FLNB: variants seen among roughly 807,000 people sequenced by gnomAD.
FLNB encodes the protein filamin B.
FLNB carries 111 observed loss-of-function variants against 250.6 expected under a neutral mutation model. The ratio of observed to expected loss-of-function variants is 0.44; its 90% confidence interval spans 0.38 to 0.52. FLNB has a LOEUF of 0.52. Among genes scored for constraint, FLNB ranks in the 20% least tolerant of loss-of-function variants. The pLI, the probability that FLNB is intolerant of heterozygous loss-of-function variation, is 0.00. For synonymous variants in FLNB, 1,302 were observed against 1,372.1 expected (o/e 0.95, Z 1.13); for missense variants, 2,869 against 3,447.8 (o/e 0.83, Z 4.20).
chr3:58,138,481 T>C lies in FLNB; in HGVS notation c.5061T>C (p.Tyr1687=). The change falls in exon 29 of 46, where the codon TAT becomes TAC. Residue 1687 remains tyrosine, a synonymous_variant. Coordinates refer to ENST00000295956, the MANE Select transcript of FLNB (RefSeq NM_001457.4). The stretch of plus-strand genomic sequence containing the variant: ...CCAAGCCGGGCACATATGTGATCTA[T>C]GTGCGCTTCGGTGGTGTTGATATTC... ...TAAKPGTYVI[Y]VRFGGVDIPN... 1.9e-6 allele frequency: 3 copies of C among 1,614,252 alleles called. No individual in the cohort carries two copies. The highest frequency in any genetic ancestry group is 2.2e-5 in the East Asian group (1 of 44,892).
At position 58,105,118 on chromosome 3, in the gene FLNB, A is replaced by G; in HGVS notation, c.1649A>G (p.Gln550Arg). 6.2e-7 allele frequency: 1 copy of G among 1,614,252 alleles called. No homozygotes were observed. Among genetic ancestry groups the G allele is most frequent in the Non-Finnish European group, 8.5e-7 (1 of 1,180,054 alleles). Residue 550 changes from glutamine to arginine, a missense_variant, in exon 11 of 46, where the codon CAG becomes CGG. By Grantham distance (43) the Gln-to-Arg change is conservative. Around this residue, in one of 5 missense-constraint regions of FLNB, gnomAD observed 1,348 missense variants for 1,466.7 expected, o/e 0.92. Coordinates refer to ENST00000295956, the MANE Select transcript of FLNB (RefSeq NM_001457.4). ...EVQVGPEAGM[Q>R]KVRAWGPGLH... Reference sequence around the variant, plus strand: ...CAAGTTGGCCCTGAAGCGGGTATGCAGAAAGTCCGTGCTTGGGGCCCTGGG... The same window carrying G: ...CAAGTTGGCCCTGAAGCGGGTATGCGGAAAGTCCGTGCTTGGGGCCCTGGG...
At chr3:58,031,919 G>A (rs1415828698) in intron 1 of FLNB, among the ~76,000 whole-genome samples, 2 of 151,572 alleles carry the variant, frequency 1.3e-5, no homozygotes, top group African/African-American at 4.8e-5. Flanking sequence ...AATACCTTGT[G>A]TTTATTATTT....
At chr3:58,144,899 C>G (rs1198287490) in intron 32 of FLNB, among the ~76,000 whole-genome samples, 9 of 152,194 alleles carry the variant, frequency 5.9e-5, no homozygotes, top group Non-Finnish European at 1.0e-4. Flanking sequence ...ATTTCTTTTT[C>G]TGTGAACTGA....
At chr3:58,106,407 C>T (rs2097259733) in intron 11 of FLNB, among the ~76,000 whole-genome samples, 4 of 147,042 alleles carry the variant, frequency 2.7e-5, no homozygotes, top group South Asian at 2.1e-4. Context: ...CCACCTGCCT[C>T]GGCCCTCCCA....
At chr3:58,158,750 T>G (rs2097356982) in intron 41 of FLNB, among the ~76,000 whole-genome samples, 1 of 152,110 alleles carries the variant, frequency 6.6e-6, no homozygotes, top group Non-Finnish European at 1.5e-5. Context: ...CAAGACAAAG[T>G]ATGGGGAGTG....
chr3:58,016,825 T>A (rs1045942744), intron 1 of FLNB, among the ~76,000 whole-genome samples: 3 of 152,226 alleles, frequency 2.0e-5, no homozygotes, highest in Non-Finnish European at 4.4e-5. Flanking sequence ...AAATATTCAA[T>A]GGAATGAGCC....
intron 42 of FLNB, among the ~76,000 whole-genome samples, chr3:58,162,256 C>T (rs371256907): frequency 1.3e-5 from 2 of 152,046 alleles, no homozygotes; most frequent in Non-Finnish European, 2.9e-5. Flanking sequence ...AGGGAGAGAC[C>T]GAGAGACTAC....
chr3:58,166,828 A>AT lies in FLNB; in HGVS notation c.7199-1612_7199-1611insT, dbSNP rs199778297. Among the ~76,000 whole-genome samples the AT allele has an allele frequency of 8.9e-3, 1,320 of 147,608 alleles. 26 individuals carry two copies. Among genetic ancestry groups the AT allele is most frequent in the African/African-American group, 0.03 (1,208 of 39,776 alleles). ...CAGAGGAAGACTTTATCTAAAAAAAAAAATATTAGTAATAAGGCCGGGTGC... is the reference window on the plus strand; with the variant it reads ...CAGAGGAAGACTTTATCTAAAAAAAATAAATATTAGTAATAAGGCCGGGTGC... On this transcript the variant is annotated intron_variant, in intron 43 of 45. Transcript: ENST00000295956.
intron 34 of FLNB, 128 bp downstream of exon 34, chr3:58,147,121 T>TGAG: frequency 2.2e-6 from 2 of 916,740 alleles, no homozygotes; most frequent in Non-Finnish European, 3.4e-6. Flanking sequence ...AGAGACTTGT[T>TGAG]GAGGAGGAGC....
At chr3:58,020,769 A>G (rs552324109) in intron 1 of FLNB, among the ~76,000 whole-genome samples, 1 of 151,364 alleles carries the variant, frequency 6.6e-6, no homozygotes, top group African/African-American at 2.4e-5. Context: ...TTTGGAACAC[A>G]GGGTGGAATT....
Position 58,044,212 on chromosome 3 carries a change from T to C in FLNB, c.293-32834T>C, listed in dbSNP as rs1208462979. 4.6e-5 allele frequency among the ~76,000 whole-genome samples: 7 copies of C among 152,268 alleles called. No individual in the cohort carries two copies. The South Asian group carries it at 1.0e-3, about 23-fold the overall frequency. ...CTGGGTGGGTGGAGTCTGTGCTTAA[T>C]GAAGTTGTGATGTTAGCTGATGGCC... On this transcript the variant is annotated intron_variant, in intron 1 of 45. Transcript: ENST00000295956.
chr3:58,072,511 G>T (rs982770190), intron 1 of FLNB, among the ~76,000 whole-genome samples: 1 of 152,190 alleles, frequency 6.6e-6, no homozygotes, highest in African/African-American at 2.4e-5. Context: ...ATGGTCAGAC[G>T]TTGTTGACCC....
intron 35 of FLNB, 101 bp from the exon 36 acceptor site, chr3:58,148,548 G>C (rs1038936501): frequency 2.0e-5 from 25 of 1,255,776 alleles, no homozygotes; most frequent in Non-Finnish European, 2.7e-5. Flanking sequence ...TGGATTGTTG[G>C]GTGTCAGGAA....
rs2097292438 is a variant in FLNB, at chr3:58,123,506, C to T, written c.3540C>T (p.Val1180=). The T allele has an allele frequency of 1.9e-6, 3 of 1,604,208 alleles. No homozygotes were observed. Among genetic ancestry groups the T allele is most frequent in the South Asian group, 2.2e-5 (2 of 90,350 alleles). ...CGGACTCGGGAACAAAAGCCGAAGT[C>T]AGTATTCAGAACAACAAAGATGGCA... ...AVSDSGTKAE[V]SIQNNKDGTY... is the part of the protein sequence containing the mutation. Residue 1180 remains valine (V), a synonymous_variant, in exon 21 of 46, where the codon GTC becomes GTT. Transcript: ENST00000295956.
chr3:58,046,172 T>G (rs1190356307), intron 1 of FLNB, among the ~76,000 whole-genome samples: 1 of 152,114 alleles, frequency 6.6e-6, no homozygotes, highest in East Asian at 1.9e-4. Context: ...TTGTGGTAGC[T>G]GGGCTGGGCT....
intron 29 of FLNB, 131 bp downstream of exon 29, chr3:58,138,660 T>A: frequency 8.8e-7 from 1 of 1,134,686 alleles, no homozygotes. Flanking sequence ...TAAGCAGTCA[T>A]GACCTTGTAG....
chr3:58,021,173 G>T (rs2097113504), intron 1 of FLNB, among the ~76,000 whole-genome samples: 1 of 152,188 alleles, frequency 6.6e-6, no homozygotes, highest in African/African-American at 2.4e-5. Context: ...GGGAGCAGGG[G>T]CCCGGCCTGG....
chr3:58,017,311 C>T (rs533535853), intron 1 of FLNB, among the ~76,000 whole-genome samples: 12 of 152,184 alleles, frequency 7.9e-5, no homozygotes, highest in Admixed American at 3.3e-4. Context: ...AGTGCAGTGG[C>T]GCTATCTCAG....
At chr3:58,123,037 A>C in intron 20 of FLNB, 56 bp from the exon 21 acceptor site, 1 of 1,479,224 alleles carries the variant, frequency 6.8e-7, no homozygotes, top group East Asian at 2.3e-5. Context: ...TGTTGAAAGC[A>C]GTGCTGGCTG....
Sources: gnomAD v4.1 joint callset for allele counts (sites outside exome capture counted in the v4.1 genomes callset) on GRCh38, gnomAD v4.1.1 for gene constraint, gnomAD v4.1.1 regional missense constraint, MANE v1.5 for transcripts, NCBI Gene and HGNC (gene_info 2026-07-23, HGNC 2026-07-21) for gene names.